Variants in DNAH11 observed in about 807,000 individuals in gnomAD.
DNAH11 encodes the protein dynein axonemal heavy chain 11, also known as axonemal beta dynein heavy chain 11.
A neutral mutation model predicts 526.0 loss-of-function variants in DNAH11; 442 were observed. That is an observed-to-expected ratio of 0.84 (90% CI 0.78 to 0.91). The LOEUF (loss-of-function observed/expected upper bound fraction) is 0.91. Ranked by LOEUF, DNAH11 falls within the 40% of genes least tolerant of loss-of-function variation. DNAH11 has a pLI of 0.00. For missense variants in DNAH11, 6,989 were observed against 5,448.7 expected (o/e 1.28, Z -8.90); for synonymous variants, 2,461 against 1,935.9 (o/e 1.27, Z -7.12).
In DNAH11 at chr7:21,601,381, A is replaced by G. The variant is rs759084854; in HGVS notation, c.3426-15A>G. On this transcript the variant is annotated splice_polypyrimidine_tract_variant and intron_variant, in intron 17 of 81. Transcript: ENST00000409508. ...ACTTAATTTGTGTGTATCTATGTACATATATATTTAATAGTCTGAATGAGC... is the reference window on the plus strand; with the variant it reads ...ACTTAATTTGTGTGTATCTATGTACGTATATATTTAATAGTCTGAATGAGC... 3.7e-6 allele frequency: 6 copies of G among 1,600,650 alleles called. No individual in the cohort carries two copies. Among genetic ancestry groups the G allele is most frequent in the East Asian group, 2.2e-5 (1 of 44,722 alleles).
chr7:21,805,263 C>T (rs146350787), intron 62 of DNAH11, among the ~76,000 whole-genome samples: 20 of 152,270 alleles, frequency 1.3e-4, no homozygotes, highest in Admixed American at 4.6e-4. Context: ...CGTAGTTGTC[C>T]GTGTATGCAT....
Position 21,735,704 on chromosome 7 carries a change from A to G in DNAH11, c.7505A>G (p.Lys2502Arg). ...TATTTCATGGAGTTGTTGCTTGAGA[A>G]AGGAAAACCTCTAATGCTAGTAGGA... ...LRYFMELLLEKGKPLMLVGNA... is the reference protein window; with the variant it reads ...LRYFMELLLERGKPLMLVGNA... The change falls in exon 46 of 82, where the codon AAA becomes AGA. Residue 2502 changes from lysine (K) to arginine (R), a missense_variant. By Grantham distance (26) the Lys-to-Arg change is conservative. Transcript: ENST00000409508. The G allele has an allele frequency of 6.2e-7, 1 of 1,613,806 alleles. No individual in the cohort carries two copies. Among genetic ancestry groups the G allele is most frequent in the South Asian group, 1.1e-5 (1 of 91,038 alleles).
intron 39 of DNAH11, among the ~76,000 whole-genome samples, 159 bp downstream of exon 39, chr7:21,705,696 T>A (rs1397170766): frequency 6.6e-6 from 1 of 152,164 alleles, no homozygotes; most frequent in African/African-American, 2.4e-5. Context: ...CTTGATCAAT[T>A]GACATTCTTT....
chr7:21,847,523 T>C (rs1782462706), intron 66 of DNAH11, among the ~76,000 whole-genome samples: 1 of 152,234 alleles, frequency 6.6e-6, no homozygotes, highest in South Asian at 2.1e-4. Flanking sequence ...TCTTACGTAA[T>C]TTTGTTGTGG....
At chr7:21,850,791 T>C (rs1782604495) in intron 66 of DNAH11, among the ~76,000 whole-genome samples, 1 of 152,154 alleles carries the variant, frequency 6.6e-6, no homozygotes, top group South Asian at 2.1e-4. Flanking sequence ...GCTGCAGTTT[T>C]ACCTGGTGTC....
intron 63 of DNAH11, among the ~76,000 whole-genome samples, chr7:21,814,480 G>C (rs1425504238): frequency 2.0e-5 from 3 of 149,898 alleles, no homozygotes; most frequent in Non-Finnish European, 4.4e-5. Flanking sequence ...TCGTCATCTA[G>C]CATTAGGTAT....
Position 21,787,534 on chromosome 7 carries a change from C to T in DNAH11, c.9875C>T (p.Ala3292Val). Residue 3292 changes from alanine (A) to valine (V), a missense_variant, in exon 60 of 82, where the codon GCA (alanine) becomes GTA (valine). Physicochemically the swap from Ala to Val is moderately conservative, Grantham distance 64. Coordinates refer to ENST00000409508, the MANE Select transcript of DNAH11 (RefSeq NM_001277115.2). ...AACCTGATTCGAACCAAATCTTTTG[C>T]AGCAGCTGGCCTGTGTGCCTGGGTC... Reference protein sequence around the residue: ...NPNLIRTKSFAAAGLCAWVIN... With the variant: ...NPNLIRTKSFVAAGLCAWVIN... The T allele has an allele frequency of 1.2e-6, 2 of 1,613,434 alleles. No individual in the cohort carries two copies. Among genetic ancestry groups the T allele is most frequent in the Non-Finnish European group, 1.7e-6 (2 of 1,179,630 alleles).
intron 36 of DNAH11, among the ~76,000 whole-genome samples, chr7:21,700,541 C>T (rs1010768102): frequency 1.4e-4 from 21 of 152,224 alleles, no homozygotes; most frequent in African/African-American, 4.8e-4. Flanking sequence ...AACTTAGCCA[C>T]CTCCCATTGT....
intron 21 of DNAH11, among the ~76,000 whole-genome samples, chr7:21,615,710 AG>A (rs1402029934): frequency 6.6e-6 from 1 of 152,152 alleles, no homozygotes; most frequent in African/African-American, 2.4e-5. Context: ...TAAGTGAAAA[AG>A]TAAGTTCTAG....
At position 21,681,620 on chromosome 7, in the gene DNAH11, A is replaced by G; in HGVS notation, c.5403A>G (p.Thr1801=). The change falls in exon 31 of 82, where the codon ACA becomes ACG. Residue 1801 remains threonine, a synonymous_variant. Coordinates refer to ENST00000409508, the MANE Select transcript of DNAH11 (RefSeq NM_001277115.2). The part of the protein sequence containing the change: ...LPPGDRQKIM[T]ICTIDVHARD... Reference sequence around the variant, plus strand: ...CTGGAGACAGACAGAAGATCATGACAATTTGTACCATAGATGTCCATGCCA... The same window carrying G: ...CTGGAGACAGACAGAAGATCATGACGATTTGTACCATAGATGTCCATGCCA... 6.2e-7 allele frequency: 1 copy of G among 1,613,918 alleles called. No homozygotes were observed. Among genetic ancestry groups the G allele is most frequent in the Non-Finnish European group, 8.5e-7 (1 of 1,179,838 alleles).
chr7:21,740,352 C>G (rs775776796), intron 48 of DNAH11, among the ~76,000 whole-genome samples: 14 of 152,116 alleles, frequency 9.2e-5, no homozygotes, highest in African/African-American at 2.7e-4. Flanking sequence ...TCTTGTGAAA[C>G]TGAAACTCCA....
At chr7:21,855,821 CATATAG>C (rs1488737912) in intron 68 of DNAH11, among the ~76,000 whole-genome samples, 1 of 152,014 alleles carries the variant, frequency 6.6e-6, no homozygotes, top group African/African-American at 2.4e-5. Context: ...TATGTAGATA[CATATAG>C]ATATATATGT....
At chr7:21,618,962 C>T (rs574557568) in intron 23 of DNAH11, 138 bp from the exon 24 acceptor site, 3 of 1,117,208 alleles carry the variant, frequency 2.7e-6, no homozygotes, top group South Asian at 1.4e-5. Flanking sequence ...TTAGATTCTC[C>T]ACGTATTTCA....
intron 76 of DNAH11, among the ~76,000 whole-genome samples, chr7:21,886,651 G>T (rs1784133317): frequency 2.6e-5 from 1 of 38,412 alleles, no homozygotes; most frequent in Non-Finnish European, 9.1e-5. Flanking sequence ...AGGGCAAGGG[G>T]CCCGCGAGGA....
At chr7:21,674,445 C>G (rs575470299) in intron 30 of DNAH11, among the ~76,000 whole-genome samples, 36 of 152,236 alleles carry the variant, frequency 2.4e-4, no homozygotes, top group Admixed American at 4.6e-4. Flanking sequence ...ACTGCAACTT[C>G]TGCCTCCCAG....
chr7:21,643,784 C>G (rs1787228956), intron 28 of DNAH11, among the ~76,000 whole-genome samples: 1 of 152,056 alleles, frequency 6.6e-6, no homozygotes, highest in African/African-American at 2.4e-5. Flanking sequence ...AAATACATAC[C>G]TGGTTTCAAA....
intron 15 of DNAH11, among the ~76,000 whole-genome samples, chr7:21,600,376 T>G (rs1785030464): frequency 6.6e-6 from 1 of 152,024 alleles, no homozygotes; most frequent in Non-Finnish European, 1.5e-5. Context: ...GAGGATTGCT[T>G]GAGTCCAGGA....
intron 25 of DNAH11, among the ~76,000 whole-genome samples, chr7:21,631,882 G>A (rs1005755315): frequency 6.6e-6 from 1 of 152,214 alleles, no homozygotes; most frequent in African/African-American, 2.4e-5. Flanking sequence ...TGCCCCAGTT[G>A]GGACTTTGTG....
At chr7:21,589,801 A>C (rs1452944505) in intron 12 of DNAH11, among the ~76,000 whole-genome samples, 1 of 152,178 alleles carries the variant, frequency 6.6e-6, no homozygotes, top group Non-Finnish European at 1.5e-5. Context: ...AACATACACC[A>C]GTGTTTTAGT....
Sources: allele counts gnomAD v4.1 joint callset (sites outside exome capture counted in the v4.1 genomes callset), GRCh38; gene constraint gnomAD v4.1.1; transcripts MANE v1.5; gene names NCBI Gene and HGNC (gene_info 2026-07-23, HGNC 2026-07-21).